The following PCDH17 variants were observed in gnomAD, a reference collection of about 807,000 sequenced individuals.
PCDH17 encodes protocadherin 17.
PCDH17 carries 21 observed loss-of-function variants against 67.7 expected under a neutral mutation model. The ratio of observed to expected loss-of-function variants is 0.31; its 90% CI spans 0.22 to 0.45. The LOEUF (loss-of-function observed/expected upper bound fraction) is 0.45. Ranked by LOEUF, PCDH17 falls within the 20% of genes least tolerant of loss-of-function variation. The pLI, the probability that PCDH17 is intolerant of heterozygous loss-of-function variation, is 1.00. For synonymous variants in PCDH17, 701 were observed against 656.7 expected (o/e 1.07, Z -1.03); for missense variants, 1,471 against 1,564.8 (o/e 0.94, Z 1.01).
At chr13:57,636,043 T>C (rs553858263) in intron 1 of PCDH17, among the ~76,000 whole-genome samples, 1 of 152,322 alleles carries the variant, frequency 6.6e-6, no homozygotes, top group East Asian at 1.9e-4. Flanking sequence ...ATTTAATATA[T>C]ATAAGATAGT....
chr13:57,704,697 T>C (rs1315197629), intron 3 of PCDH17, among the ~76,000 whole-genome samples: 1 of 152,034 alleles, frequency 6.6e-6, no homozygotes, highest in Non-Finnish European at 1.5e-5. Flanking sequence ...GATTTTTCAT[T>C]TAAAGAAATT....
chr13:57,659,244 G>A (rs558960987), intron 1 of PCDH17, among the ~76,000 whole-genome samples: 1 of 152,166 alleles, frequency 6.6e-6, no homozygotes, highest in South Asian at 2.1e-4. Context: ...ACTGACCATA[G>A]AATACAGTTT....
At chr13:57,693,625 C>T (rs537173694) in intron 3 of PCDH17, among the ~76,000 whole-genome samples, 1 of 150,428 alleles carries the variant, frequency 6.6e-6, no homozygotes, top group South Asian at 2.1e-4. Flanking sequence ...TGGAAGGACA[C>T]AATAATTTAA....
rs569997116 is a variant in PCDH17, at chr13:57,670,020, A to G, written c.2797+3187A>G. 1.8e-3 allele frequency among the ~76,000 whole-genome samples: 276 copies of G among 152,182 alleles called. 2 individuals carry two copies. Among genetic ancestry groups the G allele is most frequent in the Non-Finnish European group, 1.5e-3 (99 of 67,948 alleles). ...GGTAGGAAAGTACTGTTACTCTCAC[A>G]TTCAGTAGATATTAAGTAACTATTA... On this transcript the variant is annotated intron_variant, in intron 3 of 3. Coordinates refer to ENST00000377918, the MANE Select transcript of PCDH17 (RefSeq NM_001040429.3).
In PCDH17 at chr13:57,634,254, A is replaced by T; in HGVS notation, c.1708A>T (p.Arg570Trp). 1 of 1,613,182 alleles carries T rather than the reference A, an allele frequency of 6.2e-7. No homozygotes were observed. Among genetic ancestry groups the T allele is most frequent in the Non-Finnish European group, 8.5e-7 (1 of 1,180,018 alleles). Reference protein sequence around the residue: ...PAHLESNATVRVTVLDVNDNA... With the variant: ...PAHLESNATVWVTVLDVNDNA... The stretch of plus-strand genomic sequence containing the variant: ...GCACTTGGAGAGCAACGCCACGGTG[A>T]GGGTGACAGTGCTAGACGTGAATGA... Residue 570 changes from arginine to tryptophan, a missense_variant, in exon 1 of 4, where the codon AGG (arginine) becomes TGG (tryptophan). Coordinates refer to ENST00000377918, the MANE Select transcript of PCDH17 (RefSeq NM_001040429.3). The surrounding 1 kb of genome is among the most constrained non-coding windows in gnomAD (Gnocchi z 7.8).
chr13:57,673,139 C>T (rs1205120041), intron 3 of PCDH17, among the ~76,000 whole-genome samples: 1 of 151,854 alleles, frequency 6.6e-6, no homozygotes, highest in Non-Finnish European at 1.5e-5. Flanking sequence ...GTCCAGGTGC[C>T]GGGGGTGATT....
chr13:57,704,143 A>G (rs758458653), intron 3 of PCDH17, among the ~76,000 whole-genome samples: 12 of 152,110 alleles, frequency 7.9e-5, no homozygotes, highest in Admixed American at 2.0e-4. Flanking sequence ...GAATTCAGCT[A>G]TATAGGTTTG....
At position 57,725,331 on chromosome 13, in the gene PCDH17, C is replaced by T. The variant is rs1394662834; in HGVS notation, c.*37C>T. 2 of 1,540,506 alleles carry T rather than the reference C, an allele frequency of 1.3e-6. No individual in the cohort carries two copies. Among genetic ancestry groups the T allele is most frequent in the Non-Finnish European group, 1.8e-6 (2 of 1,135,968 alleles). ...AAAAAAGGCATTGGCATTTTCTTGT[C>T]TCTTCTGTTGATTTAAAAATGATCC... On this transcript the variant is annotated 3_prime_UTR_variant, in exon 4 of 4. Transcript: ENST00000377918.
chr13:57,636,255 T>C (rs1954821355), intron 1 of PCDH17, among the ~76,000 whole-genome samples: 1 of 152,128 alleles, frequency 6.6e-6, no homozygotes, highest in Non-Finnish European at 1.5e-5. Flanking sequence ...GAGCAGTATG[T>C]GGAATTCAAA....
intron 1 of PCDH17, among the ~76,000 whole-genome samples, chr13:57,650,879 G>T (rs921014091): frequency 5.9e-5 from 9 of 152,066 alleles, no homozygotes; most frequent in Non-Finnish European, 2.9e-5. Context: ...AAAAGACTCA[G>T]GCCTGAACTG....
At chr13:57,706,424 T>C (rs1314917808) in intron 3 of PCDH17, among the ~76,000 whole-genome samples, 1 of 152,204 alleles carries the variant, frequency 6.6e-6, no homozygotes, top group Non-Finnish European at 1.5e-5. Context: ...TTTATTGCTA[T>C]GTAGGCATTT....
intron 3 of PCDH17, among the ~76,000 whole-genome samples, chr13:57,711,485 A>G (rs1955775717): frequency 6.6e-6 from 1 of 152,012 alleles, no homozygotes; most frequent in African/African-American, 2.4e-5. Context: ...AATCATGTGT[A>G]TGAAGAATGC....
At chr13:57,656,521 TA>T (rs1955106395) in intron 1 of PCDH17, among the ~76,000 whole-genome samples, 1 of 152,108 alleles carries the variant, frequency 6.6e-6, no homozygotes, top group Non-Finnish European at 1.5e-5. Context: ...TTCAGAAATG[TA>T]ATGAATTTTC....
chr13:57,633,356 C>T lies in PCDH17; in HGVS notation c.810C>T (p.Ala270=), dbSNP rs777632315. 4.2e-5 allele frequency: 67 copies of T among 1,613,246 alleles called. No individual in the cohort carries two copies. In the Admixed American group the frequency reaches 1.0e-3, roughly 25 times the overall value. The part of the protein sequence containing the change: ...TVVIDLNATD[A]DEGPNGEVLY... ...TCATCGATCTGAACGCCACCGACGCCGATGAAGGTCCCAATGGTGAAGTGC... is the reference window on the plus strand; with the variant it reads ...TCATCGATCTGAACGCCACCGACGCTGATGAAGGTCCCAATGGTGAAGTGC... Residue 270 remains alanine (A), a synonymous_variant, in exon 1 of 4, where the codon GCC becomes GCT. Coordinates refer to ENST00000377918, the MANE Select transcript of PCDH17 (RefSeq NM_001040429.3). The surrounding 1 kb of genome is among the most constrained non-coding windows in gnomAD (Gnocchi z 6.2).
At chr13:57,672,778 C>T (rs1177279043) in intron 3 of PCDH17, among the ~76,000 whole-genome samples, 4 of 151,912 alleles carry the variant, frequency 2.6e-5, no homozygotes, top group Admixed American at 6.6e-5. Context: ...ATTAAGCAGT[C>T]GAGATCTTTT....
At chr13:57,644,754 G>T (rs907935378) in intron 1 of PCDH17, among the ~76,000 whole-genome samples, 2 of 151,636 alleles carry the variant, frequency 1.3e-5, no homozygotes, top group Non-Finnish European at 3.0e-5. Flanking sequence ...TAGAAATAAA[G>T]ATCCACAAAT....
chr13:57,632,921 C>G lies in PCDH17; in HGVS notation c.375C>G (p.Ile125Met). ...TGATCAAGGTAGAGATCCAGGACAT[C>G]AACGACAACGCGCCCTCCTTCTCCT... ...ICMIKVEIQD[I>M]NDNAPSFSSD... The change falls in exon 1 of 4, where the codon ATC becomes ATG. Residue 125 changes from isoleucine (I) to methionine (M), a missense_variant. Ile to Met is a conservative substitution (Grantham distance 10, BLOSUM62 1). Coordinates refer to ENST00000377918, the MANE Select transcript of PCDH17 (RefSeq NM_001040429.3). 6.2e-7 allele frequency: 1 copy of G among 1,614,086 alleles called. No homozygotes were observed. Among genetic ancestry groups the G allele is most frequent in the South Asian group, 1.1e-5 (1 of 91,074 alleles).
At chr13:57,679,648 A>G (rs1955429602) in intron 3 of PCDH17, among the ~76,000 whole-genome samples, 1 of 151,526 alleles carries the variant, frequency 6.6e-6, no homozygotes, top group African/African-American at 2.4e-5. Flanking sequence ...ATATTGAAAG[A>G]TGAAATTGTT....
At chr13:57,637,114 G>A (rs572270349) in intron 1 of PCDH17, among the ~76,000 whole-genome samples, 3 of 151,952 alleles carry the variant, frequency 2.0e-5, no homozygotes, top group African/African-American at 7.2e-5. Flanking sequence ...AAATACACAC[G>A]TGCGCACACA....
Sources: gnomAD v4.1 joint callset for allele counts (sites outside exome capture counted in the v4.1 genomes callset) on GRCh38, gnomAD v4.1.1 for gene constraint, Gnocchi (gnomAD v3.1) non-coding constraint, MANE v1.5 for transcripts, NCBI Gene and HGNC (gene_info 2026-07-23, HGNC 2026-07-21) for gene names.